Variants in PIK3C2G observed in about 807,000 individuals in gnomAD.
The protein encoded by PIK3C2G is phosphatidylinositol-4-phosphate 3-kinase catalytic subunit type 2 gamma, also known as phosphatidylinositol 3-kinase C2 domain-containing subunit gamma.
In PIK3C2G, 168 loss-of-function variants were observed where a neutral mutation model predicts 181.1. The ratio of observed to expected loss-of-function variants is 0.93; its 90% confidence interval spans 0.82 to 1.05. The LOEUF (loss-of-function observed/expected upper bound fraction) is 1.05, where lower values mean the gene tolerates loss of function less well. Ranked by LOEUF, PIK3C2G falls within the 50% of genes least tolerant of loss-of-function variation. The pLI is 0.00. For synonymous variants in PIK3C2G, 573 were observed against 592.2 expected, an observed-to-expected ratio of 0.97 and a Z score of 0.47; for missense variants, 1,869 against 1,732.8, an observed-to-expected ratio of 1.08 and a Z score of -1.40.
At chr12:18,611,557 G>T (rs1948337789) in intron 31 of PIK3C2G, among the ~76,000 whole-genome samples, 1 of 152,028 alleles carries the variant, frequency 6.6e-6, no homozygotes, top group African/African-American at 2.4e-5. Context: ...TATATGTACA[G>T]CTGACTATCA....
chr12:18,264,234 T>C (rs1053122551), intron 1 of PIK3C2G, among the ~76,000 whole-genome samples: 3 of 152,180 alleles, frequency 2.0e-5, no homozygotes, highest in African/African-American at 7.2e-5. Context: ...CCAACTTACA[T>C]AGTATTATAG....
intron 18 of PIK3C2G, among the ~76,000 whole-genome samples, chr12:18,427,500 TAAAAAA>T (rs59178829): frequency 8.7e-6 from 1 of 114,844 alleles, no homozygotes; most frequent in Non-Finnish European, 1.8e-5. Context: ...GAGACTCCAT[TAAAAAA>T]AAAAAAAAAA....
intron 31 of PIK3C2G, among the ~76,000 whole-genome samples, chr12:18,611,520 T>C (rs1443552502): frequency 6.6e-6 from 1 of 152,050 alleles, no homozygotes; most frequent in Non-Finnish European, 1.5e-5. Context: ...CAATTCCAGC[T>C]TGGAAATCTC....
At chr12:18,244,311 T>C (rs772887626), upstream of PIK3C2G, among the ~76,000 whole-genome samples, 4 of 151,944 alleles carry the variant, frequency 2.6e-5, no homozygotes, top group Non-Finnish European at 5.9e-5. Flanking sequence ...ACTAAGATAA[T>C]TCCAGTATAG....
the PIK3C2G span, among the ~76,000 whole-genome samples, chr12:18,685,846 GCACACACA>G: frequency 9.2e-6 from 1 of 109,252 alleles, no homozygotes; most frequent in African/African-American, 3.5e-5. Context: ...ACACACACGC[GCACACACA>G]CACACACACA....
chr12:18,474,870 T>C (rs539996415), intron 18 of PIK3C2G, among the ~76,000 whole-genome samples: 1 of 152,120 alleles, frequency 6.6e-6, no homozygotes, highest in Non-Finnish European at 1.5e-5. Flanking sequence ...TTGTCCTTTT[T>C]TCCGATCAGA....
At chr12:18,538,953 G>C (rs935394873) in intron 25 of PIK3C2G, among the ~76,000 whole-genome samples, 5 of 151,916 alleles carry the variant, frequency 3.3e-5, no homozygotes, top group Admixed American at 6.6e-5. Flanking sequence ...AAATCTGATA[G>C]AAATATCTTC....
chr12:18,723,067 G>A, the PIK3C2G span, among the ~76,000 whole-genome samples: 30,896 of 151,772 alleles, frequency 0.2, 3,334 homozygotes, highest in East Asian at 0.3. Flanking sequence ...TGAGAGATAC[G>A]TGGAAGCAGT....
At chr12:18,512,246 G>A (rs1056705880) in intron 24 of PIK3C2G, among the ~76,000 whole-genome samples, 2 of 151,884 alleles carry the variant, frequency 1.3e-5, no homozygotes, top group African/African-American at 2.4e-5. Flanking sequence ...GTTGGGTAGT[G>A]TGATTCCTCT....
chr12:18,361,946 C>T (rs1941269112), intron 11 of PIK3C2G, among the ~76,000 whole-genome samples: 1 of 152,024 alleles, frequency 6.6e-6, no homozygotes, highest in Non-Finnish European at 1.5e-5. Context: ...TACCATAGGA[C>T]CTCTGGAACA....
rs114299149 is a variant in PIK3C2G, at chr12:18,405,303, G to A, written c.2315+5456G>A. On this transcript the variant is annotated intron_variant, in intron 16 of 32. Transcript: ENST00000538779. Reference sequence around the variant, plus strand: ...GCTTTCAGGCAGTAGTTGAAGCTACGGAAGTAGAGGATGTGTGACAAGTAC... The same window carrying A: ...GCTTTCAGGCAGTAGTTGAAGCTACAGAAGTAGAGGATGTGTGACAAGTAC... Among the ~76,000 whole-genome samples the A allele has an allele frequency of 7.0e-3, 1,068 of 152,250 alleles. 6 individuals are homozygous for A. The highest frequency in any genetic ancestry group is 0.019 in the African/African-American group (781 of 41,550).
chr12:18,309,410 C>T (rs543612855), intron 5 of PIK3C2G, among the ~76,000 whole-genome samples: 1 of 126,286 alleles, frequency 7.9e-6, no homozygotes, highest in South Asian at 3.0e-4. Context: ...ATAAATTTTA[C>T]AAAATCCTTA....
intron 31 of PIK3C2G, among the ~76,000 whole-genome samples, chr12:18,639,051 C>G (rs1949726546): frequency 6.6e-6 from 1 of 151,974 alleles, no homozygotes; most frequent in African/African-American, 2.4e-5. Context: ...TTCAGTGCTC[C>G]CCCTCCTGGG....
chr12:18,375,665 A>T (rs145302303), intron 13 of PIK3C2G, among the ~76,000 whole-genome samples: 80 of 152,352 alleles, frequency 5.3e-4, no homozygotes, highest in African/African-American at 1.9e-3. Flanking sequence ...CTAATAGCCA[A>T]GAAAATGTGA....
At chr12:18,693,326 C>T in the PIK3C2G span, 6 of 1,547,580 alleles carry the variant, frequency 3.9e-6, no homozygotes, top group African/African-American at 8.2e-5. Context: ...CCCAAGAGAC[C>T]TATGCAGATA....
chr12:18,355,759 G>A (rs1330904790), intron 11 of PIK3C2G, among the ~76,000 whole-genome samples: 2 of 152,214 alleles, frequency 1.3e-5, no homozygotes, highest in African/African-American at 2.4e-5. Context: ...GTGGCCATTG[G>A]GGTTTGGGGT....
intron 27 of PIK3C2G, 89 bp from the exon 28 acceptor site, chr12:18,563,288 C>A: frequency 8.2e-7 from 1 of 1,217,856 alleles, no homozygotes; most frequent in Admixed American, 2.6e-5. Flanking sequence ...AAGGTACTTC[C>A]TTTGTTTGGT....
chr12:18,542,650 A>G (rs143648921), intron 25 of PIK3C2G, among the ~76,000 whole-genome samples: 1 of 152,048 alleles, frequency 6.6e-6, no homozygotes, highest in African/African-American at 2.4e-5. Flanking sequence ...ATAAGTGAGA[A>G]TATGCAGTAT....
intron 1 of PIK3C2G, among the ~76,000 whole-genome samples, chr12:18,267,604 CT>C: frequency 6.6e-6 from 1 of 152,188 alleles, no homozygotes; most frequent in East Asian, 1.9e-4. Flanking sequence ...CATTATTGAC[CT>C]GTTAGAGCAT....
Sources: allele counts gnomAD v4.1 joint callset (sites outside exome capture counted in the v4.1 genomes callset), GRCh38; gene constraint gnomAD v4.1.1; transcripts MANE v1.5; gene names NCBI Gene and HGNC (gene_info 2026-07-23, HGNC 2026-07-21).